Variants in GALNT7 observed in about 807,000 individuals in gnomAD.
GALNT7 encodes the protein N-acetylgalactosaminyltransferase 7.
Under a neutral mutation model 82.1 loss-of-function variants are expected in GALNT7, and 60 were observed. That is an observed-to-expected ratio of 0.73 (90% CI 0.59 to 0.91). The LOEUF (loss-of-function observed/expected upper bound fraction) is 0.91. Ranked by LOEUF, GALNT7 falls within the 40% of genes least tolerant of loss-of-function variation. The probability of loss-of-function intolerance (pLI) is 0.00; values close to 1 mark genes in which losing one functional copy is unlikely to be tolerated. For missense variants in GALNT7, 660 were observed against 804.2 expected (o/e 0.82, Z 2.17); for synonymous variants, 243 against 275.1 (o/e 0.88, Z 1.15).
intron 1 of GALNT7, among the ~76,000 whole-genome samples, chr4:173,242,824 C>T (rs1734482386): frequency 6.6e-6 from 1 of 152,228 alleles, no homozygotes; most frequent in African/African-American, 2.4e-5. Flanking sequence ...TTTTTACCAC[C>T]TCCCTCTCTG....
intron 2 of GALNT7, among the ~76,000 whole-genome samples, chr4:173,284,795 C>T (rs1736259206): frequency 1.3e-5 from 2 of 152,066 alleles, no homozygotes; most frequent in Non-Finnish European, 2.9e-5. Flanking sequence ...CAAATTTACC[C>T]TTGCATTAGT....
intron 2 of GALNT7, among the ~76,000 whole-genome samples, chr4:173,253,319 G>T (rs1734911681): frequency 6.6e-6 from 1 of 152,204 alleles, no homozygotes; most frequent in Non-Finnish European, 1.5e-5. Flanking sequence ...ACATGAGCAT[G>T]TAGTGCGGTT....
chr4:173,219,892 G>A (rs1340533358), intron 1 of GALNT7, among the ~76,000 whole-genome samples: 1 of 152,164 alleles, frequency 6.6e-6, no homozygotes, highest in East Asian at 1.9e-4. Context: ...CTGGATATTA[G>A]TCCTTTGTTG....
At chr4:173,248,902 C>G (rs1226309959) in intron 2 of GALNT7, among the ~76,000 whole-genome samples, 1 of 150,006 alleles carries the variant, frequency 6.7e-6, no homozygotes, top group East Asian at 2.0e-4. Context: ...CTGGGTGTCT[C>G]ACATCATTAA....
At chr4:173,230,494 TAGAA>T (rs1345366249) in intron 1 of GALNT7, among the ~76,000 whole-genome samples, 1 of 152,164 alleles carries the variant, frequency 6.6e-6, no homozygotes, top group Non-Finnish European at 1.5e-5. Flanking sequence ...GAAATGGAAA[TAGAA>T]AGTAAGGGAA....
At chr4:173,241,686 A>C (rs1734438193) in intron 1 of GALNT7, among the ~76,000 whole-genome samples, 1 of 152,212 alleles carries the variant, frequency 6.6e-6, no homozygotes, top group Non-Finnish European at 1.5e-5. Context: ...GCTGGAGTGC[A>C]GTGGCACAAT....
chr4:173,318,348 T>C (rs368478631), intron 10 of GALNT7, 83 bp from the exon 11 acceptor site: 3 of 994,506 alleles, frequency 3.0e-6, no homozygotes, highest in East Asian at 5.1e-5. Context: ...AATTTAATTA[T>C]AGGAGTTAAG....
intron 2 of GALNT7, among the ~76,000 whole-genome samples, chr4:173,270,372 A>C (rs1424220922): frequency 6.6e-6 from 1 of 152,176 alleles, no homozygotes; most frequent in Non-Finnish European, 1.5e-5. Flanking sequence ...TTGAAAAAAA[A>C]ATGCTTGTTT....
At chr4:173,239,930 A>G (rs989999354) in intron 1 of GALNT7, among the ~76,000 whole-genome samples, 4 of 152,200 alleles carry the variant, frequency 2.6e-5, no homozygotes, top group Non-Finnish European at 5.9e-5. Context: ...AAATTGTACT[A>G]TATACTTCTG....
chr4:173,236,845 T>G (rs1036693837), intron 1 of GALNT7, among the ~76,000 whole-genome samples: 7 of 152,348 alleles, frequency 4.6e-5, no homozygotes, highest in African/African-American at 1.4e-4. Flanking sequence ...TGGCATATAG[T>G]AGACCTGTAA....
chr4:173,309,216 C>T (rs1343730998), intron 8 of GALNT7, among the ~76,000 whole-genome samples: 7 of 152,344 alleles, frequency 4.6e-5, no homozygotes, highest in East Asian at 1.9e-4. Context: ...CCCAGTCACA[C>T]GTTTATTAGG....
chr4:173,245,056 C>T (rs929842275), intron 1 of GALNT7, among the ~76,000 whole-genome samples: 5 of 151,836 alleles, frequency 3.3e-5, no homozygotes, highest in East Asian at 3.9e-4. Flanking sequence ...AAAGGTGATA[C>T]GGGCTGGGGA....
chr4:173,177,045 A>G (rs1354949545), intron 1 of GALNT7, among the ~76,000 whole-genome samples: 1 of 152,168 alleles, frequency 6.6e-6, no homozygotes, highest in African/African-American at 2.4e-5. Context: ...ATGGTAAAGG[A>G]AAGGATGTTG....
intron 1 of GALNT7, among the ~76,000 whole-genome samples, chr4:173,239,648 T>G (rs1379681928): frequency 1.3e-5 from 2 of 152,230 alleles, no homozygotes; most frequent in African/African-American, 4.8e-5. Flanking sequence ...TGTGCTGGTT[T>G]GAACTATTGT....
intron 1 of GALNT7, among the ~76,000 whole-genome samples, chr4:173,207,425 T>A (rs1286506039): frequency 6.6e-6 from 1 of 152,216 alleles, no homozygotes; most frequent in Non-Finnish European, 1.5e-5. Context: ...AACATACTTT[T>A]TAAGTAAAAT....
chr4:173,232,609 A>G (rs1323320487), intron 1 of GALNT7, among the ~76,000 whole-genome samples: 2 of 151,924 alleles, frequency 1.3e-5, no homozygotes, highest in Admixed American at 6.6e-5. Flanking sequence ...ATTTAAAAAA[A>G]ATTTTTGTAA....
Position 173,231,200 on chromosome 4 carries a change from T to C in GALNT7, c.127-16780T>C, listed in dbSNP as rs147827173. On this transcript the variant is annotated intron_variant, in intron 1 of 11. Coordinates refer to ENST00000265000, the MANE Select transcript of GALNT7 (RefSeq NM_017423.3). ...TCAGGGGAAATCATGACCTAACACA[T>C]TGAAGGAACAAAACACCTTTGACAG... 5.3e-3 allele frequency among the ~76,000 whole-genome samples: 802 copies of C among 152,254 alleles called. 9 individuals carry two copies. Among genetic ancestry groups the C allele is most frequent in the African/African-American group, 0.018 (767 of 41,540 alleles).
rs1184227166 is a variant in GALNT7, at chr4:173,323,516, T to C, written c.*1799T>C. 2 of 152,596 alleles carry C rather than the reference T, an allele frequency of 1.3e-5. No homozygotes were observed. The highest frequency in any genetic ancestry group is 2.9e-5 in the Non-Finnish European group (2 of 67,986). 9.5% of individuals were successfully genotyped at this position (152,596 alleles called of 1,614,324 possible). A position where few individuals can be genotyped will look rare whatever the true frequency, so the allele number is the denominator to read the frequency against. On this transcript the variant is annotated 3_prime_UTR_variant, in exon 12 of 12. Transcript: ENST00000265000. ...CTTTAATTACTTGTGTGTTTGCAAA[T>C]AGGCTCCATTTTCCATGTTGAGTAG...
intron 2 of GALNT7, among the ~76,000 whole-genome samples, chr4:173,262,580 G>A (rs1735316002): frequency 6.6e-6 from 1 of 152,180 alleles, no homozygotes; most frequent in Non-Finnish European, 1.5e-5. Context: ...AGTGATGTCA[G>A]TTGTTTTTGT....
Sources: allele counts gnomAD v4.1 joint callset (sites outside exome capture counted in the v4.1 genomes callset), GRCh38; gene constraint gnomAD v4.1.1; transcripts MANE v1.5; gene names NCBI Gene and HGNC (gene_info 2026-07-23, HGNC 2026-07-21).